The following LDLRAD3 variants were observed in gnomAD, a reference collection of about 807,000 sequenced individuals.
LDLRAD3 encodes the protein low-density lipoprotein receptor class A domain-containing protein 3.
In LDLRAD3, 20 loss-of-function variants were observed where a neutral mutation model predicts 29.4. That is an observed-to-expected ratio of 0.68 (90% CI 0.48 to 0.99). The LOEUF is 0.99. Among genes scored for constraint, LDLRAD3 ranks in the 50% least tolerant of loss-of-function variants. The pLI, the probability that LDLRAD3 is intolerant of heterozygous loss-of-function variation, is 0.00. For missense variants in LDLRAD3, 420 were observed against 454.3 expected, an observed-to-expected ratio of 0.92 and a Z score of 0.69; for synonymous variants, 157 against 192.7, an observed-to-expected ratio of 0.81 and a Z score of 1.53.
At position 36,111,459 on chromosome 11, in the gene LDLRAD3, G is replaced by T. The variant is rs112951162; in HGVS notation, c.454+12998G>T. The stretch of plus-strand genomic sequence containing the variant: ...TGACTTCCTGATAGCTTTGTGGCCA[G>T]TGAAAGGTGGAAATGTGCTCTGTGT... On this transcript the variant is annotated intron_variant, in intron 4 of 5. Transcript: ENST00000315571. Among the ~76,000 whole-genome samples, 600 of 152,218 alleles carry T rather than the reference G, an allele frequency of 3.9e-3. 7 individuals are homozygous for T. The highest frequency in any genetic ancestry group is 0.014 in the African/African-American group (565 of 41,514).
At chr11:36,062,673 G>T (rs1322258466) in intron 2 of LDLRAD3, among the ~76,000 whole-genome samples, 1 of 152,180 alleles carries the variant, frequency 6.6e-6, no homozygotes, top group Non-Finnish European at 1.5e-5. Context: ...GACAGTGAGT[G>T]AGTTCTCATG....
At chr11:36,180,422 C>G (rs1854742159) in intron 4 of LDLRAD3, among the ~76,000 whole-genome samples, 2 of 152,108 alleles carry the variant, frequency 1.3e-5, no homozygotes, top group African/African-American at 4.8e-5. Flanking sequence ...AGCCCAAATC[C>G]CTGTCTTCAT....
chr11:36,012,779 G>A (rs1851972278), intron 1 of LDLRAD3, among the ~76,000 whole-genome samples: 1 of 152,192 alleles, frequency 6.6e-6, no homozygotes, highest in Non-Finnish European at 1.5e-5. Context: ...TCCATTGACT[G>A]AGGGTAACTG....
At chr11:35,957,524 C>A (rs934455866) in intron 1 of LDLRAD3, among the ~76,000 whole-genome samples, 1 of 152,060 alleles carries the variant, frequency 6.6e-6, no homozygotes, top group Admixed American at 6.5e-5. Context: ...GAGCTGGGTG[C>A]GGTGGCTCAT....
At chr11:36,180,607 C>T (rs369392806) in intron 4 of LDLRAD3, among the ~76,000 whole-genome samples, 11 of 152,174 alleles carry the variant, frequency 7.2e-5, no homozygotes, top group South Asian at 4.1e-4. Flanking sequence ...TGACACGGAG[C>T]GCATGGACAG....
At chr11:36,047,161 G>A (rs1392111092) in intron 2 of LDLRAD3, among the ~76,000 whole-genome samples, 1 of 152,172 alleles carries the variant, frequency 6.6e-6, no homozygotes, top group Non-Finnish European at 1.5e-5. Context: ...AGTTTGGACT[G>A]CTGTCAGGTT....
In LDLRAD3 at chr11:36,061,295, C is replaced by T. The variant is rs188793647; in HGVS notation, c.194-20358C>T. Among the ~76,000 whole-genome samples, 8 of 152,218 alleles carry T rather than the reference C, an allele frequency of 5.3e-5. 1 individual carries two copies. The South Asian group carries it at 6.2e-4, about 12-fold the overall frequency. ...CTGGGACTGCAGGCACGTGGCACTACGTCTGGCTAATTTTTGTATTTTTTT... is the reference window on the plus strand; with the variant it reads ...CTGGGACTGCAGGCACGTGGCACTATGTCTGGCTAATTTTTGTATTTTTTT... On this transcript the variant is annotated intron_variant, in intron 2 of 5. Transcript: ENST00000315571.
chr11:36,035,791 G>A (rs907165973), intron 1 of LDLRAD3, among the ~76,000 whole-genome samples: 1 of 152,130 alleles, frequency 6.6e-6, no homozygotes, highest in Non-Finnish European at 1.5e-5. Context: ...CACTGCTGAT[G>A]GCCAGAAAAG....
rs115338633 is a variant in LDLRAD3 at position 36,194,908 on chromosome 11, G to A, written c.455-32177G>A. On this transcript the variant is annotated intron_variant, in intron 4 of 5. Coordinates refer to ENST00000315571, the MANE Select transcript of LDLRAD3 (RefSeq NM_174902.4). ...GCCTGTTCAGACCTGACAATTAGGC[G>A]GAGAAGGCAGTAGTCTAAAATAATT... Among the ~76,000 whole-genome samples the A allele has an allele frequency of 2.7e-3, 413 of 152,240 alleles. 7 individuals are homozygous for A. Among genetic ancestry groups the A allele is most frequent in the African/African-American group, 9.7e-3 (401 of 41,522 alleles).
At chr11:36,062,306 T>C (rs1020185612) in intron 2 of LDLRAD3, among the ~76,000 whole-genome samples, 1 of 152,244 alleles carries the variant, frequency 6.6e-6, no homozygotes, top group African/African-American at 2.4e-5. Flanking sequence ...TATTGACCTT[T>C]CCCTAGTACA....
chr11:36,000,747 G>A (rs1272782458), intron 1 of LDLRAD3, among the ~76,000 whole-genome samples: 2 of 152,116 alleles, frequency 1.3e-5, no homozygotes, highest in Non-Finnish European at 2.9e-5. Flanking sequence ...TCAAGCTGGG[G>A]CGCGTGACAT....
intron 1 of LDLRAD3, among the ~76,000 whole-genome samples, chr11:36,034,798 C>T (rs1852282373): frequency 6.6e-6 from 1 of 152,212 alleles, no homozygotes; most frequent in South Asian, 2.1e-4. Context: ...TATTTGTTTG[C>T]TGAAGGGTGT....
chr11:36,014,600 G>A lies in LDLRAD3; in HGVS notation c.47-21503G>A, dbSNP rs141981459. On this transcript the variant is annotated intron_variant, in intron 1 of 5. Coordinates refer to ENST00000315571, the MANE Select transcript of LDLRAD3 (RefSeq NM_174902.4). ...GTGGCAGAAACTTTGCTGGCGAGGTGAAATCAGCCTTCCTCTCCCAGGGTT... is the reference window on the plus strand; with the variant it reads ...GTGGCAGAAACTTTGCTGGCGAGGTAAAATCAGCCTTCCTCTCCCAGGGTT... 1.3e-4 allele frequency among the ~76,000 whole-genome samples: 20 copies of A among 152,280 alleles called. No homozygotes were observed. The East Asian group carries it at 3.9e-3, about 30-fold the overall frequency.
intron 4 of LDLRAD3, among the ~76,000 whole-genome samples, chr11:36,169,746 T>G (rs1296157293): frequency 1.3e-5 from 2 of 152,266 alleles, no homozygotes; most frequent in Admixed American, 1.3e-4. Context: ...CTAATAGAGC[T>G]GCATAAGCAT....
intron 1 of LDLRAD3, among the ~76,000 whole-genome samples, chr11:35,948,472 A>G (rs1851089353): frequency 6.8e-6 from 1 of 147,992 alleles, no homozygotes; most frequent in African/African-American, 2.5e-5. Context: ...GTGTGTGTGC[A>G]CATGCACACA....
At position 36,088,332 on chromosome 11, in the gene LDLRAD3, G is replaced by C. The variant is rs551103623; in HGVS notation, c.319+6554G>C. On this transcript the variant is annotated intron_variant, in intron 3 of 5. Transcript: ENST00000315571. ...CGGCTCTCACCCCAGTCCTCATTCA[G>C]TAAGGATGAGGACTCCAGCCAAGAA... 5.9e-5 allele frequency among the ~76,000 whole-genome samples: 9 copies of C among 152,218 alleles called. No individual in the cohort carries two copies. The South Asian group carries it at 1.2e-3, about 21-fold the overall frequency.
intron 4 of LDLRAD3, among the ~76,000 whole-genome samples, chr11:36,140,992 T>TCTCTCTCTCTCTC (rs1854073899): frequency 2.7e-5 from 3 of 109,996 alleles, no homozygotes; most frequent in Non-Finnish European, 3.7e-5. Context: ...CTGTTGAGCT[T>TCTCTCTCTCTCTC]TCTCTCTCTC....
rs765269452 is a variant in LDLRAD3, at chr11:36,227,162, G to A, written c.532G>A (p.Gly178Ser). Residue 178 changes from glycine (G) to serine (S), a missense_variant, in exon 5 of 6, where the codon GGC becomes AGC. Around this residue, in one of 3 missense-constraint regions of LDLRAD3, gnomAD observed 56 missense variants for 92.2 expected, o/e 0.61. Transcript: ENST00000315571. ...YYPSITYAIIGSSVIFVLVVA... is the reference protein window; with the variant it reads ...YYPSITYAIISSSVIFVLVVA... ...CCCCAGCATCACCTATGCCATCATC[G>A]GCAGCTCCGTCATTTTTGTGCTGGT... is the stretch of plus-strand genomic sequence containing the variant. 44 of 1,614,030 alleles carry A rather than the reference G, an allele frequency of 2.7e-5. No individual in the cohort carries two copies. The Middle Eastern group carries it at 5.0e-4, about 18-fold the overall frequency.
At chr11:36,064,975 G>T (rs999285929) in intron 2 of LDLRAD3, among the ~76,000 whole-genome samples, 1 of 152,144 alleles carries the variant, frequency 6.6e-6, no homozygotes, top group African/African-American at 2.4e-5. Flanking sequence ...ATGTATGCTT[G>T]GGAAGAATGT....
Sources: allele counts gnomAD v4.1 joint callset (sites outside exome capture counted in the v4.1 genomes callset), GRCh38; gene constraint gnomAD v4.1.1; regional missense constraint gnomAD v4.1.1; transcripts MANE v1.5; gene names NCBI Gene and HGNC (gene_info 2026-07-23, HGNC 2026-07-21).